The following ASIC2 variants were observed in gnomAD, a reference collection of about 807,000 sequenced individuals.
ASIC2 encodes the protein acid sensing ion channel subunit 2, also known as acid-sensing ion channel 2.
Under a neutral mutation model 57.3 loss-of-function variants are expected in ASIC2, and 25 were observed. That is an observed-to-expected ratio of 0.44 (90% confidence interval 0.32 to 0.61). The LOEUF (loss-of-function observed/expected upper bound fraction) is 0.61, where lower values mean the gene tolerates loss of function less well. Among genes scored for constraint, ASIC2 ranks in the 20% least tolerant of loss-of-function variants. The pLI is 0.06. For synonymous variants in ASIC2, 319 were observed against 307.5 expected (o/e 1.04, Z -0.39); for missense variants, 641 against 738.1 (o/e 0.87, Z 1.52).
chr17:33,926,244 A>G (rs1915819506), intron 1 of ASIC2, among the ~76,000 whole-genome samples: 1 of 152,220 alleles, frequency 6.6e-6, no homozygotes, highest in African/African-American at 2.4e-5. Flanking sequence ...TAAGTGCTTT[A>G]TATGGAGTAG....
chr17:33,222,964 G>C (rs1567789553), intron 1 of ASIC2, among the ~76,000 whole-genome samples: 1 of 151,812 alleles, frequency 6.6e-6, no homozygotes, highest in Non-Finnish European at 1.5e-5. Context: ...TTCTTACCAG[G>C]TAGCCTTGTT....
chr17:33,577,329 G>T (rs1423991596), intron 1 of ASIC2, among the ~76,000 whole-genome samples: 1 of 152,158 alleles, frequency 6.6e-6, no homozygotes, highest in African/African-American at 2.4e-5. Flanking sequence ...CTTCAGAAGA[G>T]ACTGAAGCAT....
chr17:33,697,628 C>G (rs911173351), intron 1 of ASIC2, among the ~76,000 whole-genome samples: 34 of 152,288 alleles, frequency 2.2e-4, no homozygotes, highest in African/African-American at 7.7e-4. Context: ...CCACCTTTCT[C>G]CCAACCATGG....
chr17:33,791,220 T>C (rs1225279167), intron 1 of ASIC2, among the ~76,000 whole-genome samples: 3 of 152,056 alleles, frequency 2.0e-5, no homozygotes, highest in African/African-American at 4.8e-5. Context: ...TTCTTGTGGG[T>C]GAGGTAGGCA....
chr17:33,078,529 G>A (rs752433852), intron 3 of ASIC2, among the ~76,000 whole-genome samples: 15 of 152,198 alleles, frequency 9.9e-5, no homozygotes, highest in Non-Finnish European at 2.1e-4. Flanking sequence ...TCTAAGAACT[G>A]TAAGACCTAA....
intron 1 of ASIC2, among the ~76,000 whole-genome samples, chr17:33,200,884 G>A (rs763478513): frequency 9.2e-5 from 14 of 152,036 alleles, no homozygotes; most frequent in African/African-American, 1.4e-4. Flanking sequence ...AGTCTGGCTC[G>A]TGCTACCTGC....
At chr17:33,544,945 T>A (rs1915533549) in intron 1 of ASIC2, among the ~76,000 whole-genome samples, 1 of 152,260 alleles carries the variant, frequency 6.6e-6, no homozygotes, top group Non-Finnish European at 1.5e-5. Context: ...AAAAGAGTGC[T>A]CTGTTACTGT....
chr17:33,846,275 A>T (rs1257267961), intron 1 of ASIC2, among the ~76,000 whole-genome samples: 1 of 152,124 alleles, frequency 6.6e-6, no homozygotes, highest in Non-Finnish European at 1.5e-5. Context: ...AATTCAGCTG[A>T]CAGTAAACAA....
rs137870852 is a variant in ASIC2 at position 33,944,913 on chromosome 17, C to T, written c.555+211065G>A. Reference sequence around the variant, plus strand: ...ACACCATCCTTTCTGCTTCCCTCACCCCTGAGTCTCTCCTGAAGCTGAACA... The same window carrying T: ...ACACCATCCTTTCTGCTTCCCTCACTCCTGAGTCTCTCCTGAAGCTGAACA... On this transcript the variant is annotated intron_variant, in intron 1 of 9. Transcript: ENST00000359872. Among the ~76,000 whole-genome samples, 291 of 152,256 alleles carry T rather than the reference C, an allele frequency of 1.9e-3. 1 individual carries two copies. Among genetic ancestry groups the T allele is most frequent in the African/African-American group, 6.9e-3 (285 of 41,540 alleles).
At chr17:33,126,900 G>A (rs563271431) in intron 1 of ASIC2, among the ~76,000 whole-genome samples, 274 of 110,452 alleles carry the variant, frequency 2.5e-3, no homozygotes, top group Non-Finnish European at 2.5e-3. Context: ...TCGCTCTGTC[G>A]CCCAGGCGGG....
intron 3 of ASIC2, among the ~76,000 whole-genome samples, chr17:33,038,292 C>T (rs141688583): frequency 1.3e-5 from 2 of 152,208 alleles, no homozygotes; most frequent in Non-Finnish European, 2.9e-5. Flanking sequence ...CACCTTGGCT[C>T]TCTTTACAAT....
intron 1 of ASIC2, among the ~76,000 whole-genome samples, chr17:33,227,417 G>C (rs1055989310): frequency 4.6e-5 from 7 of 152,074 alleles, no homozygotes; most frequent in Non-Finnish European, 8.8e-5. Flanking sequence ...CTCCCCTTCA[G>C]CTTGGGGAGA....
chr17:34,117,691 T>C (rs1393997350), intron 1 of ASIC2, among the ~76,000 whole-genome samples: 1 of 152,090 alleles, frequency 6.6e-6, no homozygotes, highest in East Asian at 1.9e-4. Flanking sequence ...ATTCAAGATA[T>C]GTTTCTTAGA....
intron 1 of ASIC2, among the ~76,000 whole-genome samples, chr17:33,248,300 G>A (rs1028013520): frequency 1.3e-5 from 2 of 152,186 alleles, no homozygotes; most frequent in African/African-American, 4.8e-5. Context: ...TGGAGTGGCT[G>A]AGTACGTGAT....
At chr17:34,065,291 T>C (rs1461526721) in intron 1 of ASIC2, among the ~76,000 whole-genome samples, 1 of 152,248 alleles carries the variant, frequency 6.6e-6, no homozygotes, top group East Asian at 1.9e-4. Context: ...AAACCACACA[T>C]CGTATGTTCT....
chr17:33,290,178 C>A (rs575130068), intron 1 of ASIC2, among the ~76,000 whole-genome samples: 1 of 152,332 alleles, frequency 6.6e-6, no homozygotes, highest in South Asian at 2.1e-4. Flanking sequence ...GCCAGGATTG[C>A]CTTCCTAGAC....
intron 1 of ASIC2, among the ~76,000 whole-genome samples, chr17:34,022,618 C>T (rs894898870): frequency 1.5e-5 from 2 of 135,044 alleles, no homozygotes; most frequent in African/African-American, 5.6e-5. Context: ...GGTCTTCATG[C>T]AATTTCCCAT....
At chr17:33,577,407 G>A (rs1916658827) in intron 1 of ASIC2, among the ~76,000 whole-genome samples, 1 of 152,178 alleles carries the variant, frequency 6.6e-6, no homozygotes, top group African/African-American at 2.4e-5. Flanking sequence ...TAAAGGAAGA[G>A]GAGCGGCGAG....
At chr17:33,941,444 T>A (rs1916190472) in intron 1 of ASIC2, among the ~76,000 whole-genome samples, 1 of 152,316 alleles carries the variant, frequency 6.6e-6, no homozygotes, top group Admixed American at 6.5e-5. Context: ...GAACCCCACC[T>A]TATCCATAGC....
Sources: gnomAD v4.1 joint callset for allele counts (sites outside exome capture counted in the v4.1 genomes callset) on GRCh38, gnomAD v4.1.1 for gene constraint, MANE v1.5 for transcripts, NCBI Gene and HGNC (gene_info 2026-07-23, HGNC 2026-07-21) for gene names.